Variants in TMEM163 observed in about 807,000 individuals in gnomAD.
TMEM163 encodes transmembrane protein 163.
TMEM163 carries 17 observed loss-of-function variants against 29.3 expected under a neutral mutation model. The observed-to-expected ratio is 0.58, with a 90% CI of 0.40 to 0.87. TMEM163 has a LOEUF of 0.87. Among genes scored for constraint, TMEM163 ranks in the 40% least tolerant of loss-of-function variants. The pLI is 0.00. For synonymous variants in TMEM163, 157 were observed against 160.6 expected (o/e 0.98, Z 0.17); for missense variants, 303 against 381.5 (o/e 0.79, Z 1.71).
At chr2:134,716,795 T>C (rs6749329) in intron 1 of TMEM163, among the ~76,000 whole-genome samples, 31,690 of 152,166 alleles carry the variant, frequency 0.21, 3,751 homozygotes, top group Middle Eastern at 0.39. Context: ...GGTAACGTTC[T>C]CGTTTACTTA....
At chr2:134,643,817 T>C (rs1209677966) in intron 2 of TMEM163, among the ~76,000 whole-genome samples, 2 of 151,512 alleles carry the variant, frequency 1.3e-5, no homozygotes, top group African/African-American at 2.4e-5. Context: ...AAGGAAGAAA[T>C]AAAACTGTCC....
intron 2 of TMEM163, among the ~76,000 whole-genome samples, chr2:134,656,923 C>T (rs945144482): frequency 6.6e-6 from 1 of 152,022 alleles, no homozygotes; most frequent in Non-Finnish European, 1.5e-5. Context: ...TTGAACCAGC[C>T]CTGTATCCCA....
chr2:134,599,243 A>G (rs985567686), intron 2 of TMEM163, among the ~76,000 whole-genome samples: 1 of 152,186 alleles, frequency 6.6e-6, no homozygotes, highest in Non-Finnish European at 1.5e-5. Flanking sequence ...ATGGAAGCCC[A>G]GGAAAGGGTT....
chr2:134,640,017 C>G (rs1225020711), intron 2 of TMEM163, among the ~76,000 whole-genome samples: 1 of 152,172 alleles, frequency 6.6e-6, no homozygotes, highest in Non-Finnish European at 1.5e-5. Context: ...TATAGTTTAT[C>G]TAAGACTTTG....
At chr2:134,457,002 C>T (rs192360670) in intron 7 of TMEM163, among the ~76,000 whole-genome samples, 2 of 152,266 alleles carry the variant, frequency 1.3e-5, no homozygotes, top group East Asian at 1.9e-4. Flanking sequence ...GAAGTACCCT[C>T]CTTCTGGCCT....
intron 2 of TMEM163, among the ~76,000 whole-genome samples, chr2:134,623,333 T>C (rs941358392): frequency 1.3e-5 from 2 of 152,200 alleles, no homozygotes; most frequent in Admixed American, 6.5e-5. Flanking sequence ...ATCTTATACT[T>C]GAGTTAGTCT....
intron 2 of TMEM163, among the ~76,000 whole-genome samples, chr2:134,705,993 G>A (rs889329075): frequency 2.0e-4 from 30 of 152,292 alleles, no homozygotes; most frequent in Admixed American, 9.8e-4. Flanking sequence ...ATGCACCCTG[G>A]CCACGCTTCC....
chr2:134,628,460 G>A (rs1025005074), intron 2 of TMEM163, among the ~76,000 whole-genome samples: 2 of 152,330 alleles, frequency 1.3e-5, no homozygotes, highest in African/African-American at 2.4e-5. Context: ...ATGCAGTCCC[G>A]GTTTCACCAG....
intron 4 of TMEM163, among the ~76,000 whole-genome samples, chr2:134,533,381 A>G (rs1680456780): frequency 6.6e-6 from 1 of 152,108 alleles, no homozygotes; most frequent in African/African-American, 2.4e-5. Context: ...ACACGTGTAA[A>G]GCATATGGGT....
chr2:134,473,305 G>A (rs1218303170), intron 5 of TMEM163, among the ~76,000 whole-genome samples: 1 of 152,136 alleles, frequency 6.6e-6, no homozygotes, highest in Non-Finnish European at 1.5e-5. Flanking sequence ...GGAGTCCGAG[G>A]CAGGTGGATC....
chr2:134,659,022 C>T (rs568960886), intron 2 of TMEM163, among the ~76,000 whole-genome samples: 1 of 152,202 alleles, frequency 6.6e-6, no homozygotes, highest in Admixed American at 6.5e-5. Context: ...GTGCAAACAT[C>T]GCCGAGTGTA....
intron 2 of TMEM163, among the ~76,000 whole-genome samples, chr2:134,593,417 C>G (rs371794677): frequency 7.8e-5 from 2 of 25,492 alleles, no homozygotes; most frequent in East Asian, 6.5e-4. Context: ...GCCAAAGAGA[C>G]AGTCAGTCCC....
At chr2:134,629,532 T>C (rs1195526326) in intron 2 of TMEM163, among the ~76,000 whole-genome samples, 2 of 152,142 alleles carry the variant, frequency 1.3e-5, no homozygotes, top group Non-Finnish European at 2.9e-5. Context: ...CTATTTCTGG[T>C]TTTTCTATTT....
chr2:134,685,748 A>G (rs1309930432), intron 2 of TMEM163, among the ~76,000 whole-genome samples: 1 of 152,158 alleles, frequency 6.6e-6, no homozygotes, highest in East Asian at 1.9e-4. Context: ...CAAAAATAAA[A>G]CATACAATCA....
chr2:134,713,126 C>T, intron 2 of TMEM163, 74 bp downstream of exon 2: 2 of 1,563,176 alleles, frequency 1.3e-6, no homozygotes, highest in South Asian at 1.2e-5. Context: ...AAAGCAAAAG[C>T]ACATCCCACA....
chr2:134,542,288 C>T (rs1325845115), intron 4 of TMEM163, among the ~76,000 whole-genome samples: 2 of 152,254 alleles, frequency 1.3e-5, no homozygotes, highest in Non-Finnish European at 2.9e-5. Flanking sequence ...GTGACCCTCC[C>T]TCCCTTTCAT....
At chr2:134,649,122 T>C (rs932571975) in intron 2 of TMEM163, among the ~76,000 whole-genome samples, 21 of 152,110 alleles carry the variant, frequency 1.4e-4, no homozygotes, top group African/African-American at 4.8e-4. Flanking sequence ...GACAAAATAA[T>C]AGGCAAAGAG....
In TMEM163 at chr2:134,513,124, C is replaced by T. The variant is rs144425403; in HGVS notation, c.459-10127G>A. ...GCACAGCTGACAAGTCTTGTTAATG[C>T]GTGGTAGGAAACAAAGGAGCCAAGA... On this transcript the variant is annotated intron_variant, in intron 4 of 7. Coordinates refer to ENST00000281924, the MANE Select transcript of TMEM163 (RefSeq NM_030923.5). 5.4e-3 allele frequency among the ~76,000 whole-genome samples: 821 copies of T among 152,230 alleles called. 3 individuals carry two copies. The highest frequency in any genetic ancestry group is 6.6e-3 in the Non-Finnish European group (452 of 68,020).
At position 134,496,945 on chromosome 2, in the gene TMEM163, T is replaced by C. The variant is rs144645971; in HGVS notation, c.555+5956A>G. ...CTGTGGCCCCCTCTGCAGCTCCGCC[T>C]GGAAGTGCCTCCTCTTCCCACGCCT... On this transcript the variant is annotated intron_variant, in intron 5 of 7. Transcript: ENST00000281924. 1.1e-3 allele frequency among the ~76,000 whole-genome samples: 160 copies of C among 152,226 alleles called. 1 individual carries two copies. In the East Asian group the frequency reaches 0.028, roughly 27 times the overall value.
Sources: gnomAD v4.1 joint callset for allele counts (sites outside exome capture counted in the v4.1 genomes callset) on GRCh38, gnomAD v4.1.1 for gene constraint, MANE v1.5 for transcripts, NCBI Gene and HGNC (gene_info 2026-07-23, HGNC 2026-07-21) for gene names.